The following PTPN2 variants were observed in gnomAD, a reference collection of about 807,000 sequenced individuals.
PTPN2 encodes protein tyrosine phosphatase non-receptor type 2.
A neutral mutation model predicts 57.3 loss-of-function variants in PTPN2; 19 were observed. That is an observed-to-expected ratio of 0.33 (90% confidence interval 0.23 to 0.49). PTPN2 has a LOEUF of 0.49. Among genes scored for constraint, PTPN2 ranks in the 20% least tolerant of loss-of-function variants. PTPN2 has a pLI of 0.99. For synonymous variants in PTPN2, 153 were observed against 164.9 expected (o/e 0.93, Z 0.55); for missense variants, 358 against 501.1 (o/e 0.71, Z 2.73).
At chr18:12,873,953 G>A (rs1288802540) in intron 1 of PTPN2, among the ~76,000 whole-genome samples, 2 of 150,636 alleles carry the variant, frequency 1.3e-5, no homozygotes, top group Non-Finnish European at 3.0e-5. Flanking sequence ...CCGTCTGGGA[G>A]GTGAGGAGCG....
rs1368613939 is a variant in PTPN2, at chr18:12,817,242, G to A, written c.619C>T (p.Pro207Ser). The A allele has an allele frequency of 5.0e-6, 8 of 1,614,034 alleles. No homozygotes were observed. The African/African-American group carries it at 1.1e-4, about 22-fold the overall frequency. The part of the protein sequence containing the change: ...FKVRESGSLN[P>S]DHGPAVIHCS... The stretch of plus-strand genomic sequence containing the variant: ...TGGATCACCGCAGGCCCATGGTCAG[G>A]GTTCAAGGAGCCAGATTCTCTCACT... The change falls in exon 6 of 9, where the codon CCT (proline) becomes TCT (serine). Residue 207 changes from proline to serine, a missense_variant. Pro to Ser is a moderately conservative substitution (Grantham distance 74, BLOSUM62 -1). Coordinates refer to ENST00000309660, the MANE Select transcript of PTPN2 (RefSeq NM_002828.4).
intron 1 of PTPN2, among the ~76,000 whole-genome samples, chr18:12,867,014 C>CA (rs1265621796): frequency 3.7e-5 from 5 of 134,314 alleles, no homozygotes; most frequent in Non-Finnish European, 7.8e-5. Context: ...CTCCAAAAAA[C>CA]AAAAAACAAA....
At chr18:12,834,499 GTAAAATTCA>G (rs1487874736) in intron 3 of PTPN2, among the ~76,000 whole-genome samples, 3 of 152,090 alleles carry the variant, frequency 2.0e-5, no homozygotes, top group Non-Finnish European at 2.9e-5. Context: ...CTATTATAAT[GTAAAATTCA>G]TAAAATTCAT....
rs1218081439 is a variant in PTPN2, at chr18:12,795,388, G to T, written c.1041-903C>A. 5.9e-5 allele frequency among the ~76,000 whole-genome samples: 9 copies of T among 152,198 alleles called. No homozygotes were observed. The East Asian group carries it at 1.5e-3, about 26-fold the overall frequency. ...GGCTCACTGCAACCCCCGCCTTCCGGGTTCAAGCAATTCTTCTGCCTCAGC... is the reference window on the plus strand; with the variant it reads ...GGCTCACTGCAACCCCCGCCTTCCGTGTTCAAGCAATTCTTCTGCCTCAGC... On this transcript the variant is annotated intron_variant, in intron 8 of 8. Coordinates refer to ENST00000309660, the MANE Select transcript of PTPN2 (RefSeq NM_002828.4).
intron 2 of PTPN2, among the ~76,000 whole-genome samples, chr18:12,857,762 C>T (rs637643): frequency 0.82 from 124,955 of 152,096 alleles, 54,395 homozygotes; most frequent in Non-Finnish European, 0.96. Flanking sequence ...GGAAGTGGGT[C>T]AAATCTTCAA....
In PTPN2 at chr18:12,814,361, A is replaced by T; in HGVS notation, c.706-6T>A. On this transcript the variant is annotated splice_region_variant and splice_polypyrimidine_tract_variant and intron_variant, in intron 6 of 8. Transcript: ENST00000309660. ...ATATCATCTCCTTTTTCCATCTGCA[A>T]GAAAGGCAAAAAATGAGACAAGTCT... is the stretch of plus-strand genomic sequence containing the variant. 1 of 1,577,416 alleles carries T rather than the reference A, an allele frequency of 6.3e-7. No individual in the cohort carries two copies. The highest frequency in any genetic ancestry group is 8.6e-7 in the Non-Finnish European group (1 of 1,165,330).
intron 2 of PTPN2, among the ~76,000 whole-genome samples, chr18:12,842,288 AG>A (rs1448111751): frequency 6.6e-6 from 1 of 152,206 alleles, no homozygotes; most frequent in East Asian, 1.9e-4. Flanking sequence ...GGAGGGACTT[AG>A]GGGAAAAGAT....
intron 1 of PTPN2, among the ~76,000 whole-genome samples, chr18:12,870,318 T>TATAC (rs1491526480): frequency 1.1e-4 from 5 of 46,284 alleles, no homozygotes; most frequent in African/African-American, 5.8e-4. Context: ...TACATATATA[T>TATAC]GTGTATATAT....
intron 2 of PTPN2, among the ~76,000 whole-genome samples, chr18:12,850,366 G>A (rs2043352051): frequency 6.6e-6 from 1 of 152,014 alleles, no homozygotes. Context: ...GCACGTGCCT[G>A]TACTCCCAGC....
At chr18:12,847,617 AT>A (rs201950400) in intron 2 of PTPN2, among the ~76,000 whole-genome samples, 13,136 of 138,768 alleles carry the variant, frequency 0.095, 601 homozygotes, top group East Asian at 0.22. Context: ...AAAATTAAAG[AT>A]TTTTTTTTTT....
chr18:12,813,943 C>T (rs556643992), intron 7 of PTPN2, among the ~76,000 whole-genome samples: 1 of 152,258 alleles, frequency 6.6e-6, no homozygotes, highest in South Asian at 2.1e-4. Context: ...ATTAACCACC[C>T]CCAAAATGAA....
chr18:12,856,588 G>C (rs1212843473), intron 2 of PTPN2, among the ~76,000 whole-genome samples: 3 of 152,302 alleles, frequency 2.0e-5, no homozygotes, highest in South Asian at 2.1e-4. Flanking sequence ...AATGATGATG[G>C]AGGGAGGCCT....
chr18:12,793,085 G>A lies in PTPN2; in HGVS notation c.*1193C>T, dbSNP rs1347077678. 2 of 984,806 alleles carry A rather than the reference G, an allele frequency of 2.0e-6. No homozygotes were observed. Among genetic ancestry groups the A allele is most frequent in the African/African-American group, 3.5e-5 (2 of 57,232 alleles). 61.0% of individuals were successfully genotyped at this position (984,806 alleles called of 1,614,324 possible). On this transcript the variant is annotated 3_prime_UTR_variant, in exon 9 of 9. Transcript: ENST00000309660. Reference sequence around the variant, plus strand: ...ATCCATAATAATGTATGCTATCCATGCCTCCTAGCAATTAAATTTGTAACA... The same window carrying A: ...ATCCATAATAATGTATGCTATCCATACCTCCTAGCAATTAAATTTGTAACA...
intron 1 of PTPN2, among the ~76,000 whole-genome samples, chr18:12,879,026 A>C (rs78196866): frequency 0.067 from 10,178 of 152,240 alleles, 447 homozygotes; most frequent in East Asian, 0.14. Flanking sequence ...TGAAGACAGC[A>C]ATCAGCAGTG....
chr18:12,836,938 GTTT>G (rs1568130794), intron 2 of PTPN2, 47 bp from the exon 3 acceptor site: 2 of 1,138,854 alleles, frequency 1.8e-6, no homozygotes, highest in Non-Finnish European at 2.6e-6. Context: ...CAAAATTACT[GTTT>G]TTATCTTCAT....
At chr18:12,830,100 A>ATTTTTTTT (rs148424474) in intron 4 of PTPN2, among the ~76,000 whole-genome samples, 1 of 147,618 alleles carries the variant, frequency 6.8e-6, no homozygotes. Context: ...ATAATCCTTG[A>ATTTTTTTT]TTTTTTTTTT....
intron 2 of PTPN2, among the ~76,000 whole-genome samples, chr18:12,849,865 C>T (rs1287655581): frequency 6.6e-6 from 1 of 152,032 alleles, no homozygotes; most frequent in Non-Finnish European, 1.5e-5. Flanking sequence ...GAATCTGTTC[C>T]ATTTTTTCTA....
At chr18:12,867,247 A>T (rs1214137056) in intron 1 of PTPN2, among the ~76,000 whole-genome samples, 1 of 152,006 alleles carries the variant, frequency 6.6e-6, no homozygotes, top group African/African-American at 2.4e-5. Context: ...TGAGCCCAGG[A>T]GGTCAAGGCT....
intron 1 of PTPN2, among the ~76,000 whole-genome samples, chr18:12,879,876 A>C (rs1293449658): frequency 6.6e-6 from 1 of 152,250 alleles, no homozygotes; most frequent in East Asian, 1.9e-4. Flanking sequence ...CTCTTCAAAA[A>C]CATTATCAGA....
Sources: gnomAD v4.1 joint callset for allele counts (sites outside exome capture counted in the v4.1 genomes callset) on GRCh38, gnomAD v4.1.1 for gene constraint, MANE v1.5 for transcripts, NCBI Gene and HGNC (gene_info 2026-07-23, HGNC 2026-07-21) for gene names.